The following PKIB variants were observed in gnomAD, a reference collection of about 807,000 sequenced individuals.
PKIB encodes the protein cAMP-dependent protein kinase inhibitor beta.
Under a neutral mutation model 4.5 loss-of-function variants are expected in PKIB, and 2 were observed. That is an observed-to-expected ratio of 0.44 (90% CI 0.18 to 1.39). The LOEUF (loss-of-function observed/expected upper bound fraction) is 1.39, where lower values mean the gene tolerates loss of function less well. PKIB is among the 40% of genes most tolerant of loss of function. PKIB has a pLI of 0.27. For missense variants in PKIB, 94 were observed against 92.6 expected, an observed-to-expected ratio of 1.02 and a Z score of -0.06; for synonymous variants, 38 against 36.0, an observed-to-expected ratio of 1.06 and a Z score of -0.20.
chr6:122,646,435 T>G (rs1582771972), intron 2 of PKIB, among the ~76,000 whole-genome samples: 1 of 152,148 alleles, frequency 6.6e-6, no homozygotes, highest in Non-Finnish European at 1.5e-5. Context: ...ATCTTAGACT[T>G]TATGTGTACC....
intron 2 of PKIB, among the ~76,000 whole-genome samples, chr6:122,557,607 T>G (rs1043809056): frequency 2.6e-5 from 4 of 152,246 alleles, no homozygotes; most frequent in Non-Finnish European, 5.9e-5. Context: ...CAAGGAGCTC[T>G]TCTTCCCAAC....
intron 3 of PKIB, among the ~76,000 whole-genome samples, chr6:122,680,702 G>A (rs1292524152): frequency 6.6e-6 from 1 of 152,108 alleles, no homozygotes; most frequent in African/African-American, 2.4e-5. Context: ...TTGAGGTATT[G>A]CTTACTGAGC....
intron 2 of PKIB, among the ~76,000 whole-genome samples, chr6:122,513,271 A>AAATGTGAGCAGAATTGACAGTACACC (rs1456400274): frequency 6.6e-6 from 1 of 152,110 alleles, no homozygotes; most frequent in African/African-American, 2.4e-5. Flanking sequence ...TTGACCAGTG[A>AAATGTGAGCAGAATTGACAGTACACC]AATGTGAGCA....
At chr6:122,538,586 G>A (rs1353934629) in intron 2 of PKIB, among the ~76,000 whole-genome samples, 3 of 152,038 alleles carry the variant, frequency 2.0e-5, no homozygotes, top group Non-Finnish European at 4.4e-5. Flanking sequence ...CTGTAGCCTT[G>A]TAGTATAGTT....
intron 3 of PKIB, among the ~76,000 whole-genome samples, chr6:122,686,682 A>T (rs1450236949): frequency 1.3e-5 from 2 of 151,864 alleles, no homozygotes; most frequent in Non-Finnish European, 2.9e-5. Flanking sequence ...ATTTCTGTAA[A>T]GATGGAGTCC....
At chr6:122,717,758 T>C (rs370529874) in intron 3 of PKIB, 29 bp from the exon 4 acceptor site, 67 of 1,608,682 alleles carry the variant, frequency 4.2e-5, no homozygotes, top group Non-Finnish European at 5.0e-5. Flanking sequence ...AATAGGCTCA[T>C]CTTCTTCATA....
upstream of PKIB, among the ~76,000 whole-genome samples, chr6:122,608,776 T>C (rs1401308403): frequency 1.3e-5 from 2 of 152,196 alleles, no homozygotes; most frequent in Non-Finnish European, 2.9e-5. Context: ...CTAGTGGTTT[T>C]CTCACATTGA....
intron 2 of PKIB, among the ~76,000 whole-genome samples, chr6:122,568,462 C>T (rs1038235944): frequency 6.6e-6 from 1 of 152,152 alleles, no homozygotes; most frequent in African/African-American, 2.4e-5. Flanking sequence ...TCTGAAAATC[C>T]AGGTCTTGGG....
At chr6:122,520,599 G>C (rs959971012) in intron 2 of PKIB, among the ~76,000 whole-genome samples, 2 of 151,784 alleles carry the variant, frequency 1.3e-5, no homozygotes, top group Non-Finnish European at 2.9e-5. Context: ...TCTAGGGAAA[G>C]TCATTATTTC....
At chr6:122,697,509 C>T (rs1001058614) in intron 3 of PKIB, among the ~76,000 whole-genome samples, 2 of 151,814 alleles carry the variant, frequency 1.3e-5, no homozygotes, top group Admixed American at 1.3e-4. Context: ...ACATGAACTT[C>T]GGGCATGTCT....
chr6:122,504,648 CT>C, intron 2 of PKIB, among the ~76,000 whole-genome samples: 1 of 152,266 alleles, frequency 6.6e-6, no homozygotes, highest in African/African-American at 2.4e-5. Flanking sequence ...CATTTTCTGG[CT>C]TTAAACAGTT....
At chr6:122,707,614 A>T (rs995142043) in intron 3 of PKIB, among the ~76,000 whole-genome samples, 47 of 152,296 alleles carry the variant, frequency 3.1e-4, no homozygotes, top group Non-Finnish European at 4.4e-5. Flanking sequence ...TGCATATTTT[A>T]CATAGTTGGT....
intron 2 of PKIB, among the ~76,000 whole-genome samples, chr6:122,522,927 T>C (rs1029176366): frequency 6.6e-6 from 1 of 152,194 alleles, no homozygotes; most frequent in Non-Finnish European, 1.5e-5. Context: ...ACTTCATTAA[T>C]TGAATACATT....
At chr6:122,631,446 A>G (rs1368663664) in intron 1 of PKIB, among the ~76,000 whole-genome samples, 2 of 151,808 alleles carry the variant, frequency 1.3e-5, no homozygotes, top group African/African-American at 4.9e-5. Context: ...TCACATTTCC[A>G]AAAGAAAGCT....
intron 2 of PKIB, among the ~76,000 whole-genome samples, chr6:122,537,522 A>G (rs1024138815): frequency 6.6e-6 from 1 of 152,072 alleles, no homozygotes; most frequent in Non-Finnish European, 1.5e-5. Flanking sequence ...ATCATTTTTT[A>G]TGGCTGCATA....
At chr6:122,475,785 CA>C (rs201099864) in intron 1 of PKIB, among the ~76,000 whole-genome samples, 1 of 150,492 alleles carries the variant, frequency 6.6e-6, no homozygotes, top group Admixed American at 6.6e-5. Context: ...GACTCTGTCT[CA>C]AAAAAAACAA....
At chr6:122,656,465 T>C (rs1016801754) in intron 2 of PKIB, among the ~76,000 whole-genome samples, 3 of 152,220 alleles carry the variant, frequency 2.0e-5, no homozygotes, top group Non-Finnish European at 2.9e-5. Flanking sequence ...AATTTGCCTA[T>C]TGTGCTAAGA....
At chr6:122,575,738 G>C (rs1027067995) in intron 2 of PKIB, among the ~76,000 whole-genome samples, 3 of 152,178 alleles carry the variant, frequency 2.0e-5, no homozygotes, top group Non-Finnish European at 4.4e-5. Context: ...AGGCATAACA[G>C]TACTATAATG....
In PKIB at chr6:122,510,142, C is replaced by T. The variant is rs376693854; in HGVS notation, c.-248+32203C>T. 2.2e-4 allele frequency among the ~76,000 whole-genome samples: 34 copies of T among 151,914 alleles called. No homozygotes were observed. In the South Asian group the frequency reaches 2.7e-3, roughly 12 times the overall value. On this transcript the variant is annotated intron_variant, in intron 2 of 6. Transcript: ENST00000392491. Reference sequence around the variant, plus strand: ...CTTTTGAGGCTTAATGGCTCTATTCCGCACTTGTATTTTCAAATACTGAAA... The same window carrying T: ...CTTTTGAGGCTTAATGGCTCTATTCTGCACTTGTATTTTCAAATACTGAAA...
Sources: gnomAD v4.1 joint callset for allele counts (sites outside exome capture counted in the v4.1 genomes callset) on GRCh38, gnomAD v4.1.1 for gene constraint, MANE v1.5 for transcripts, NCBI Gene and HGNC (gene_info 2026-07-23, HGNC 2026-07-21) for gene names.